Variants in TNRC6B observed in about 807,000 individuals in gnomAD.
The protein encoded by TNRC6B is trinucleotide repeat containing adaptor 6B, also known as trinucleotide repeat-containing gene 6B protein.
TNRC6B carries 52 observed loss-of-function variants against 203.6 expected under a neutral mutation model. The ratio of observed to expected loss-of-function variants is 0.26; its 90% CI spans 0.20 to 0.32. The LOEUF is 0.32. Ranked by LOEUF, TNRC6B falls within the 10% of genes least tolerant of loss-of-function variation. The pLI is 1.00. For missense variants in TNRC6B, 1,923 were observed against 2,286.2 expected, an observed-to-expected ratio of 0.84 and a Z score of 3.24; for synonymous variants, 838 against 845.7, an observed-to-expected ratio of 0.99 and a Z score of 0.16.
chr22:40,316,452 A>G (rs1443274173), intron 21 of TNRC6B, among the ~76,000 whole-genome samples: 2 of 152,098 alleles, frequency 1.3e-5, no homozygotes, highest in Admixed American at 6.5e-5. Flanking sequence ...GATTGCTTGA[A>G]GCCAGGAGTC....
intron 3 of TNRC6B, among the ~76,000 whole-genome samples, chr22:40,147,176 A>G (rs555983123): frequency 1.4e-5 from 2 of 141,914 alleles, no homozygotes; most frequent in African/African-American, 3.2e-5. Context: ...GACATATGCT[A>G]AGTGAAACAA....
intron 1 of TNRC6B, among the ~76,000 whole-genome samples, chr22:40,080,676 TCC>T (rs1467109464): frequency 6.6e-6 from 1 of 152,092 alleles, no homozygotes; most frequent in African/African-American, 2.4e-5. Flanking sequence ...TGCAAGTCAC[TCC>T]CTTGCCTGCC....
At chr22:40,282,033 C>T (rs1445507695) in intron 11 of TNRC6B, among the ~76,000 whole-genome samples, 1 of 152,224 alleles carries the variant, frequency 6.6e-6, no homozygotes, top group Admixed American at 6.5e-5. Flanking sequence ...ACTTTGGAGT[C>T]ACAATTCCTT....
At chr22:40,209,291 T>C (rs1411510854) in intron 1 of TNRC6B, among the ~76,000 whole-genome samples, 1 of 152,160 alleles carries the variant, frequency 6.6e-6, no homozygotes, top group Non-Finnish European at 1.5e-5. Flanking sequence ...TCCATTTAGT[T>C]AATGGATAGT....
chr22:40,239,238 A>C (rs1317866724), intron 1 of TNRC6B, among the ~76,000 whole-genome samples: 1 of 152,204 alleles, frequency 6.6e-6, no homozygotes, highest in African/African-American at 2.4e-5. Flanking sequence ...CATATTAGAC[A>C]ATAAATGTTT....
At chr22:40,127,221 C>T (rs2068501327) in intron 3 of TNRC6B, among the ~76,000 whole-genome samples, 1 of 152,116 alleles carries the variant, frequency 6.6e-6, no homozygotes, top group African/African-American at 2.4e-5. Context: ...GCTCTGAAAA[C>T]AACTCTTTCC....
chr22:40,243,063 G>T (rs1420469442), intron 1 of TNRC6B, among the ~76,000 whole-genome samples: 1 of 151,756 alleles, frequency 6.6e-6, no homozygotes, highest in Non-Finnish European at 1.5e-5. Flanking sequence ...TAGAGATGGG[G>T]TTTCACTGTG....
chr22:40,271,796 A>G (rs1220989018), intron 6 of TNRC6B, among the ~76,000 whole-genome samples: 3 of 152,228 alleles, frequency 2.0e-5, no homozygotes, highest in Non-Finnish European at 4.4e-5. Flanking sequence ...GTTATAGCAC[A>G]CATCCTTTCT....
chr22:40,155,776 G>A (rs1446612022), intron 3 of TNRC6B, among the ~76,000 whole-genome samples: 1 of 152,102 alleles, frequency 6.6e-6, no homozygotes, highest in Non-Finnish European at 1.5e-5. Context: ...CTTTTCATAT[G>A]TTTAGAAACT....
intron 4 of TNRC6B, among the ~76,000 whole-genome samples, chr22:40,159,677 G>GAAAT (rs34973090): frequency 0.68 from 102,493 of 151,144 alleles, 36,481 homozygotes; most frequent in African/African-American, 0.9. Context: ...TAAAAAAAAA[G>GAAAT]AAAGGTGAAA....
chr22:40,268,860 C>T (rs1601473280), intron 5 of TNRC6B, among the ~76,000 whole-genome samples: 1 of 151,708 alleles, frequency 6.6e-6, no homozygotes, highest in Non-Finnish European at 1.5e-5. Flanking sequence ...TGCAAGTGAG[C>T]TGAGATCACG....
intron 1 of TNRC6B, among the ~76,000 whole-genome samples, chr22:40,103,167 C>T (rs1227022369): frequency 6.6e-6 from 1 of 151,768 alleles, no homozygotes; most frequent in Non-Finnish European, 1.5e-5. Flanking sequence ...ACTCGGGAGG[C>T]TGAGGTAGGA....
chr22:40,072,435 C>A (rs1176911791), intron 1 of TNRC6B, among the ~76,000 whole-genome samples: 1 of 152,080 alleles, frequency 6.6e-6, no homozygotes, highest in Non-Finnish European at 1.5e-5. Context: ...GTTCTTAAAT[C>A]CATAATAAAG....
At chr22:40,077,804 T>C (rs1254102563) in intron 1 of TNRC6B, among the ~76,000 whole-genome samples, 2 of 152,156 alleles carry the variant, frequency 1.3e-5, no homozygotes, top group Non-Finnish European at 2.9e-5. Context: ...TGGAGAAGTT[T>C]TTTCATGTCA....
At chr22:40,244,860 A>C (rs769330976) in intron 1 of TNRC6B, among the ~76,000 whole-genome samples, 29 of 152,196 alleles carry the variant, frequency 1.9e-4, no homozygotes, top group Non-Finnish European at 3.8e-4. Context: ...CAGTTGATAC[A>C]TAGAGTGAAA....
At chr22:40,074,235 C>CAAAA (rs944802253) in intron 1 of TNRC6B, among the ~76,000 whole-genome samples, 7 of 68,358 alleles carry the variant, frequency 1.0e-4, no homozygotes, top group African/African-American at 3.0e-4. Flanking sequence ...CGCTCTGTCT[C>CAAAA]AAAAAAAAAA....
chr22:40,261,662 G>C (rs1202991762), intron 3 of TNRC6B, among the ~76,000 whole-genome samples, 170 bp from the exon 4 acceptor site: 1 of 151,932 alleles, frequency 6.6e-6, no homozygotes, highest in African/African-American at 2.4e-5. Context: ...TGTAATTCTA[G>C]CACTTTGGAA....
intron 12 of TNRC6B, among the ~76,000 whole-genome samples, chr22:40,288,469 C>T (rs1203395100): frequency 1.3e-5 from 2 of 152,134 alleles, no homozygotes; most frequent in African/African-American, 2.4e-5. Context: ...CTTTGGGAGG[C>T]TGAGGCAGGC....
chr22:40,095,047 G>A (rs1190143462), intron 1 of TNRC6B, among the ~76,000 whole-genome samples: 1 of 152,124 alleles, frequency 6.6e-6, no homozygotes, highest in Non-Finnish European at 1.5e-5. Context: ...GCTAGCTAGA[G>A]TGTTGTCGTT....
Sources: gnomAD v4.1 joint callset for allele counts (sites outside exome capture counted in the v4.1 genomes callset) on GRCh38, gnomAD v4.1.1 for gene constraint, MANE v1.5 for transcripts, NCBI Gene and HGNC (gene_info 2026-07-23, HGNC 2026-07-21) for gene names.